TPRG1: variants seen among roughly 807,000 people sequenced by gnomAD.
The protein encoded by TPRG1 is tumor protein p63 regulated 1.
Under a neutral mutation model 29.3 loss-of-function variants are expected in TPRG1, and 29 were observed. The ratio of observed to expected loss-of-function variants is 0.99; its 90% CI spans 0.74 to 1.35. The LOEUF (loss-of-function observed/expected upper bound fraction) is 1.35. Ranked by LOEUF, TPRG1 falls within the 40% of genes most tolerant of loss-of-function variation. TPRG1 has a pLI of 0.00. For synonymous variants in TPRG1, 130 were observed against 116.8 expected (o/e 1.11, Z -0.73); for missense variants, 327 against 335.0 (o/e 0.98, Z 0.19).
intron 4 of TPRG1, among the ~76,000 whole-genome samples, chr3:189,080,088 G>A (rs1488227241): frequency 1.3e-5 from 2 of 152,060 alleles, no homozygotes; most frequent in Admixed American, 6.6e-5. Context: ...TATAATGAAG[G>A]GCTACATTAT....
At chr3:189,022,894 G>C (rs1382385299) in intron 3 of TPRG1, among the ~76,000 whole-genome samples, 3 of 152,236 alleles carry the variant, frequency 2.0e-5, no homozygotes, top group African/African-American at 7.2e-5. Context: ...CGTGGGGTAG[G>C]ACCCTCCGAG....
chr3:189,059,369 G>A (rs1005476591), intron 4 of TPRG1, among the ~76,000 whole-genome samples: 1 of 152,014 alleles, frequency 6.6e-6, no homozygotes, highest in African/African-American at 2.4e-5. Context: ...GAGGCGGGTG[G>A]ATCAGGAGGT....
At chr3:189,035,256 C>T (rs1714187800) in intron 4 of TPRG1, among the ~76,000 whole-genome samples, 1 of 152,058 alleles carries the variant, frequency 6.6e-6, no homozygotes. Context: ...GAAACTGAAC[C>T]CCTACCTTTC....
intron 2 of TPRG1, among the ~76,000 whole-genome samples, chr3:189,002,152 A>C (rs1712058305): frequency 6.6e-6 from 1 of 152,194 alleles, no homozygotes; most frequent in Non-Finnish European, 1.5e-5. Context: ...ATGGGTATAA[A>C]TTGAAGAGCC....
intron 3 of TPRG1, among the ~76,000 whole-genome samples, chr3:189,143,215 T>G (rs567899824): frequency 6.6e-6 from 1 of 152,330 alleles, no homozygotes; most frequent in East Asian, 1.9e-4. Flanking sequence ...CATCAGATGA[T>G]TCCCACAAAA....
At chr3:189,039,484 A>T (rs978504512) in intron 4 of TPRG1, among the ~76,000 whole-genome samples, 1 of 152,204 alleles carries the variant, frequency 6.6e-6, no homozygotes, top group Non-Finnish European at 1.5e-5. Context: ...TTTAACTGAA[A>T]GGGGAAAATG....
intron 4 of TPRG1, among the ~76,000 whole-genome samples, chr3:189,059,704 G>A (rs1398964200): frequency 6.6e-6 from 1 of 152,118 alleles, no homozygotes; most frequent in Admixed American, 6.5e-5. Context: ...GGCATAGTGA[G>A]GTTAAGTAAT....
intron 4 of TPRG1, among the ~76,000 whole-genome samples, chr3:189,243,877 C>T (rs1740990031): frequency 6.6e-6 from 1 of 152,182 alleles, no homozygotes; most frequent in South Asian, 2.1e-4. Context: ...ATTAGCCTGG[C>T]TTTCACTGTC....
chr3:189,148,722 G>A (rs1274936067), intron 4 of TPRG1, among the ~76,000 whole-genome samples: 2 of 152,218 alleles, frequency 1.3e-5, no homozygotes, highest in Non-Finnish European at 2.9e-5. Context: ...TCAGATTTGG[G>A]TGGTAAAGCA....
In TPRG1 at chr3:189,325,126, T is replaced by C. The variant is rs1217214133; in HGVS notation, c.*4306T>C. The C allele has an allele frequency of 6.6e-6, 1 of 151,964 alleles. No homozygotes were observed. The highest frequency in any genetic ancestry group is 1.5e-5 in the Non-Finnish European group (1 of 68,016). 9.4% of individuals were successfully genotyped at this position (151,964 alleles called of 1,614,324 possible). A position where few individuals can be genotyped will look rare whatever the true frequency, so the allele number is the denominator to read the frequency against. ...GGACCAATACTTGTCTTATTCTACCTGATTTTGGCAACTGCTTAGGGTTCT... is the reference window on the plus strand; with the variant it reads ...GGACCAATACTTGTCTTATTCTACCCGATTTTGGCAACTGCTTAGGGTTCT... On this transcript the variant is annotated 3_prime_UTR_variant, in exon 6 of 6. Transcript: ENST00000345063.
At chr3:189,308,394 G>T (rs140804984) in intron 4 of TPRG1, among the ~76,000 whole-genome samples, 1 of 152,142 alleles carries the variant, frequency 6.6e-6, no homozygotes, top group East Asian at 1.9e-4. Context: ...CAGTCTCCAC[G>T]ATTGTTCTAA....
chr3:189,203,332 G>A (rs1000531403), intron 1 of TPRG1, among the ~76,000 whole-genome samples: 1 of 151,142 alleles, frequency 6.6e-6, no homozygotes, highest in African/African-American at 2.4e-5. Flanking sequence ...GGCTTTATTT[G>A]GGATTTTTTT....
At chr3:189,311,952 G>T (rs1016751779) in intron 5 of TPRG1, among the ~76,000 whole-genome samples, 3 of 152,026 alleles carry the variant, frequency 2.0e-5, no homozygotes, top group African/African-American at 7.3e-5. Flanking sequence ...CTCTTGCCGT[G>T]AACTTCAAAT....
chr3:189,055,600 G>A lies in TPRG1; in HGVS notation c.-463+31654G>A, dbSNP rs115120758. 2.5e-3 allele frequency among the ~76,000 whole-genome samples: 379 copies of A among 152,314 alleles called. 2 individuals carry two copies. Among genetic ancestry groups the A allele is most frequent in the African/African-American group, 8.1e-3 (338 of 41,572 alleles). ...CTTCCTGACCAGAGGGCTGGGTTGT[G>A]GATGGGAATATGTAACATATCAGAC... On this transcript the variant is annotated intron_variant, in intron 4 of 10. Coordinates refer to the TPRG1 transcript ENST00000433971.
chr3:189,255,240 T>A (rs1330099322), intron 4 of TPRG1, among the ~76,000 whole-genome samples: 2 of 152,212 alleles, frequency 1.3e-5, no homozygotes, highest in Non-Finnish European at 2.9e-5. Flanking sequence ...GAAGCGGTGT[T>A]GAATTTTATC....
chr3:189,132,882 G>A (rs577456366), intron 3 of TPRG1, among the ~76,000 whole-genome samples: 59 of 152,296 alleles, frequency 3.9e-4, no homozygotes, highest in African/African-American at 1.4e-3. Context: ...TTTTCTGGAA[G>A]AGACTTGTTT....
upstream of TPRG1, among the ~76,000 whole-genome samples, chr3:189,168,131 T>C (rs1728379153): frequency 6.6e-6 from 1 of 152,150 alleles, no homozygotes; most frequent in Non-Finnish European, 1.5e-5. Flanking sequence ...CAAAACAGTT[T>C]AGGAAGCCAA....
intron 1 of TPRG1, among the ~76,000 whole-genome samples, chr3:189,201,160 T>C (rs1019757086): frequency 6.6e-6 from 1 of 152,154 alleles, no homozygotes; most frequent in Non-Finnish European, 1.5e-5. Flanking sequence ...ATTTCTGTGG[T>C]TTATAAATTA....
At chr3:189,188,908 G>A (rs997979031) in intron 1 of TPRG1, among the ~76,000 whole-genome samples, 3 of 152,124 alleles carry the variant, frequency 2.0e-5, no homozygotes, top group Non-Finnish European at 4.4e-5. Context: ...CTCTATTTGG[G>A]CATTAATTTT....
Sources: gnomAD v4.1 joint callset for allele counts (sites outside exome capture counted in the v4.1 genomes callset) on GRCh38, gnomAD v4.1.1 for gene constraint, MANE v1.5 for transcripts, NCBI Gene and HGNC (gene_info 2026-07-23, HGNC 2026-07-21) for gene names.